Variants in GPC5 observed in about 807,000 individuals in gnomAD.
GPC5 encodes the protein glypican 5.
Under a neutral mutation model 53.9 loss-of-function variants are expected in GPC5, and 47 were observed. That is an observed-to-expected ratio of 0.87 (90% CI 0.69 to 1.11). GPC5 has a LOEUF of 1.11. Among genes scored for constraint, GPC5 ranks in the 50% most tolerant of loss-of-function variants. GPC5 has a pLI of 0.00. For missense variants in GPC5, 748 were observed against 713.1 expected (o/e 1.05, Z -0.56); for synonymous variants, 286 against 263.3 (o/e 1.09, Z -0.84).
chr13:92,368,785 A>G (rs76490829), intron 7 of GPC5, among the ~76,000 whole-genome samples: 2,502 of 152,242 alleles, frequency 0.016, 60 homozygotes, highest in Non-Finnish European at 0.018. Flanking sequence ...AGATTGTATT[A>G]ACTTTATGTT....
intron 2 of GPC5, among the ~76,000 whole-genome samples, chr13:91,646,966 CAT>C (rs2034572430): frequency 6.6e-6 from 1 of 151,876 alleles, no homozygotes; most frequent in South Asian, 2.1e-4. Flanking sequence ...TCTTTTATAA[CAT>C]CCATAAAATC....
chr13:91,600,757 A>C (rs1292715424), intron 2 of GPC5, among the ~76,000 whole-genome samples: 1 of 152,122 alleles, frequency 6.6e-6, no homozygotes, highest in Non-Finnish European at 1.5e-5. Flanking sequence ...ATCAGATTGC[A>C]CTTGGGCATA....
intron 7 of GPC5, among the ~76,000 whole-genome samples, chr13:92,746,578 C>T (rs886813257): frequency 6.6e-6 from 1 of 151,942 alleles, no homozygotes. Context: ...ACACTAATAC[C>T]CAATGTGTCT....
At chr13:91,632,957 C>T (rs1444653308) in intron 2 of GPC5, among the ~76,000 whole-genome samples, 1 of 152,100 alleles carries the variant, frequency 6.6e-6, no homozygotes, top group Non-Finnish European at 1.5e-5. Flanking sequence ...TTATCATAGC[C>T]TCCATGGCCT....
At chr13:92,716,748 A>G (rs1055929185) in intron 7 of GPC5, among the ~76,000 whole-genome samples, 9 of 152,176 alleles carry the variant, frequency 5.9e-5, no homozygotes, top group African/African-American at 2.2e-4. Context: ...TAGCAAAAAA[A>G]TACTCCAAGA....
intron 2 of GPC5, among the ~76,000 whole-genome samples, chr13:91,682,313 G>A (rs2139740962): frequency 6.6e-6 from 1 of 152,222 alleles, no homozygotes; most frequent in South Asian, 2.1e-4. Flanking sequence ...TCTAGCTAAT[G>A]GCAAGTACAT....
Position 92,448,377 on chromosome 13 carries a change from AGT to A in GPC5, c.1561+303392_1561+303393del, listed in dbSNP as rs1877919004. 4 of 152,148 alleles carry A rather than the reference AGT, an allele frequency of 2.6e-5. No individual in the cohort carries two copies. In the South Asian group the frequency reaches 8.3e-4, roughly 31 times the overall value. 9.4% of individuals were successfully genotyped at this position (152,148 alleles called of 1,614,324 possible). On this transcript the variant is annotated intron_variant, in intron 7 of 7. Transcript: ENST00000377067. Reference sequence around the variant, plus strand: ...CATTTTATAATTTTTAGCTAAATACAGTGTGCTTATAAAATGTACATCAATAA... The same window carrying A: ...CATTTTATAATTTTTAGCTAAATACAGTGCTTATAAAATGTACATCAATAA...
chr13:92,713,031 G>T (rs1342047994), intron 7 of GPC5, among the ~76,000 whole-genome samples: 2 of 151,850 alleles, frequency 1.3e-5, no homozygotes, highest in African/African-American at 2.4e-5. Flanking sequence ...ATGATACTTT[G>T]TTATGGCTGC....
At chr13:91,700,281 T>C (rs2035965903) in intron 3 of GPC5, among the ~76,000 whole-genome samples, 1 of 152,202 alleles carries the variant, frequency 6.6e-6, no homozygotes, top group South Asian at 2.1e-4. Context: ...GGTAACAAGT[T>C]TGAATACTTT....
chr13:92,495,415 C>T (rs1397736852), intron 7 of GPC5, among the ~76,000 whole-genome samples: 1 of 151,980 alleles, frequency 6.6e-6, no homozygotes, highest in Admixed American at 6.6e-5. Flanking sequence ...AGCAGCATAC[C>T]ATATGGGAAT....
intron 2 of GPC5, among the ~76,000 whole-genome samples, chr13:91,490,672 T>C (rs986473963): frequency 6.6e-6 from 1 of 152,174 alleles, no homozygotes; most frequent in South Asian, 2.1e-4. Context: ...TATACTTGTT[T>C]GAAGAAAAGA....
At chr13:92,118,427 G>C (rs1250422881) in intron 6 of GPC5, among the ~76,000 whole-genome samples, 2 of 152,116 alleles carry the variant, frequency 1.3e-5, no homozygotes, top group African/African-American at 2.4e-5. Flanking sequence ...GATGATGAGA[G>C]AGATTCTCTC....
intron 7 of GPC5, among the ~76,000 whole-genome samples, chr13:92,184,862 C>T (rs1259684377): frequency 1.3e-5 from 2 of 151,982 alleles, no homozygotes; most frequent in Non-Finnish European, 2.9e-5. Context: ...TCAAAGACCA[C>T]CAAAACTAAA....
chr13:92,771,240 T>C (rs2138749427), intron 7 of GPC5, among the ~76,000 whole-genome samples: 1 of 152,264 alleles, frequency 6.6e-6, no homozygotes, highest in Non-Finnish European at 1.5e-5. Flanking sequence ...TGGGGCTAAG[T>C]CTAGGCTCAC....
chr13:92,383,274 A>G (rs1457844368), intron 7 of GPC5, among the ~76,000 whole-genome samples: 1 of 152,174 alleles, frequency 6.6e-6, no homozygotes, highest in East Asian at 1.9e-4. Flanking sequence ...TAACAGAACT[A>G]AATGTTAATA....
chr13:91,544,229 G>A (rs1254499657), intron 2 of GPC5, among the ~76,000 whole-genome samples: 1 of 151,594 alleles, frequency 6.6e-6, no homozygotes, highest in Non-Finnish European at 1.5e-5. Flanking sequence ...TAGGAATTTT[G>A]TTTTTTGTTA....
At chr13:92,579,037 A>G (rs1804819075) in intron 7 of GPC5, among the ~76,000 whole-genome samples, 1 of 152,218 alleles carries the variant, frequency 6.6e-6, no homozygotes, top group Non-Finnish European at 1.5e-5. Flanking sequence ...CAGGATGCTT[A>G]CTAGGAAAGT....
intron 2 of GPC5, among the ~76,000 whole-genome samples, chr13:91,590,957 C>G (rs1440698777): frequency 6.6e-6 from 1 of 152,156 alleles, no homozygotes; most frequent in Non-Finnish European, 1.5e-5. Flanking sequence ...TCTGTTCCTT[C>G]CTAGTTACGT....
chr13:92,047,348 A>G (rs1249236273), intron 6 of GPC5, among the ~76,000 whole-genome samples: 2 of 152,082 alleles, frequency 1.3e-5, no homozygotes, highest in African/African-American at 4.8e-5. Context: ...GGTTCCAGTA[A>G]TGAAAAATGT....
Sources: gnomAD v4.1 joint callset for allele counts (sites outside exome capture counted in the v4.1 genomes callset) on GRCh38, gnomAD v4.1.1 for gene constraint, MANE v1.5 for transcripts, NCBI Gene and HGNC (gene_info 2026-07-23, HGNC 2026-07-21) for gene names.